The following MAML2 variants were observed in gnomAD, a reference collection of about 807,000 sequenced individuals.
MAML2 encodes the protein mastermind-like protein 2.
Under a neutral mutation model 96.1 loss-of-function variants are expected in MAML2, and 22 were observed. The ratio of observed to expected loss-of-function variants is 0.23; its 90% CI spans 0.16 to 0.33. The LOEUF is 0.33. Ranked by LOEUF, MAML2 falls within the 10% of genes least tolerant of loss-of-function variation. The probability of loss-of-function intolerance (pLI) is 1.00; values close to 1 mark genes in which losing one functional copy is unlikely to be tolerated. For synonymous variants in MAML2, 561 were observed against 521.3 expected (o/e 1.08, Z -1.04); for missense variants, 1,367 against 1,392.4 (o/e 0.98, Z 0.29).
chr11:96,192,605 C>G (rs1565243771), intron 1 of MAML2, among the ~76,000 whole-genome samples: 1 of 152,190 alleles, frequency 6.6e-6, no homozygotes, highest in African/African-American at 2.4e-5. Context: ...CTAGCACAGT[C>G]AAACTGTTTG....
At chr11:96,098,659 A>T (rs1279585391) in intron 1 of MAML2, among the ~76,000 whole-genome samples, 5 of 152,146 alleles carry the variant, frequency 3.3e-5, no homozygotes, top group Admixed American at 2.6e-4. Context: ...TCATTCTTCC[A>T]TTTGGACACC....
intron 1 of MAML2, among the ~76,000 whole-genome samples, chr11:96,186,811 T>C (rs368711111): frequency 3.3e-5 from 5 of 152,178 alleles, no homozygotes; most frequent in Non-Finnish European, 5.9e-5. Flanking sequence ...TTGAACCCAA[T>C]AGCCCCTGGC....
At chr11:95,989,801 C>T (rs961440946) in intron 3 of MAML2, among the ~76,000 whole-genome samples, 8 of 152,212 alleles carry the variant, frequency 5.3e-5, no homozygotes, top group Non-Finnish European at 2.9e-5. Context: ...CTCAATATTC[C>T]TTATTCCAGG....
intron 1 of MAML2, among the ~76,000 whole-genome samples, chr11:96,114,387 A>G (rs1413346568): frequency 1.3e-5 from 2 of 152,056 alleles, no homozygotes; most frequent in Non-Finnish European, 1.5e-5. Flanking sequence ...TTTGATCCTA[A>G]TCTCCTTAGC....
Position 96,182,814 on chromosome 11 carries a change from G to A in MAML2, c.514-89297C>T, listed in dbSNP as rs919610892. Among the ~76,000 whole-genome samples the A allele has an allele frequency of 8.5e-5, 13 of 152,198 alleles. 1 individual carries two copies. In the East Asian group the frequency reaches 1.2e-3, roughly 14 times the overall value. ...GCTCCTTGTCAAGATGTTTGCTCTC[G>A]CTGGAGAAGGAATGGGATGGAGATC... On this transcript the variant is annotated intron_variant, in intron 1 of 4. Coordinates refer to ENST00000524717, the MANE Select transcript of MAML2 (RefSeq NM_032427.4).
chr11:96,245,947 C>T (rs1271631573), intron 1 of MAML2, among the ~76,000 whole-genome samples: 3 of 151,942 alleles, frequency 2.0e-5, no homozygotes, highest in Non-Finnish European at 2.9e-5. Flanking sequence ...TCGTGATCTG[C>T]CCCCCTCGAC....
intron 1 of MAML2, among the ~76,000 whole-genome samples, chr11:96,223,047 AAAT>A (rs1312649607): frequency 6.6e-6 from 1 of 152,162 alleles, no homozygotes; most frequent in African/African-American, 2.4e-5. Context: ...TTTTTGATGA[AAAT>A]AAATTCAAAT....
intron 1 of MAML2, among the ~76,000 whole-genome samples, chr11:96,202,350 C>CTAA (rs1555023767): frequency 9.3e-6 from 1 of 107,542 alleles, no homozygotes; most frequent in African/African-American, 3.7e-5. Context: ...GACTCCATCT[C>CTAA]AAAAAAAAAA....
intron 1 of MAML2, among the ~76,000 whole-genome samples, chr11:96,100,828 C>T (rs1378767449): frequency 6.6e-6 from 1 of 151,368 alleles, no homozygotes; most frequent in African/African-American, 2.4e-5. Flanking sequence ...TCACTGCAGC[C>T]TCAACCTCCC....
At chr11:96,073,947 C>G (rs150791109) in intron 2 of MAML2, among the ~76,000 whole-genome samples, 1 of 152,228 alleles carries the variant, frequency 6.6e-6, no homozygotes, top group African/African-American at 2.4e-5. Context: ...AAGATTCATG[C>G]AAGGGATTTA....
At chr11:96,309,915 C>T (rs949334575) in intron 1 of MAML2, among the ~76,000 whole-genome samples, 1 of 151,896 alleles carries the variant, frequency 6.6e-6, no homozygotes, top group Non-Finnish European at 1.5e-5. Context: ...GTTGACTAGG[C>T]CGGTCTTAAA....
chr11:96,315,947 C>G (rs1863626249), intron 1 of MAML2, among the ~76,000 whole-genome samples: 1 of 152,228 alleles, frequency 6.6e-6, no homozygotes, highest in Admixed American at 6.5e-5. Context: ...CACCAGTCAA[C>G]TGGGATATAC....
chr11:96,107,584 T>G (rs993538776), intron 1 of MAML2, among the ~76,000 whole-genome samples: 1 of 152,172 alleles, frequency 6.6e-6, no homozygotes, highest in African/African-American at 2.4e-5. Flanking sequence ...GCTAATGAGA[T>G]GACTGATGGC....
At chr11:96,248,113 CTT>C (rs35775102) in intron 1 of MAML2, among the ~76,000 whole-genome samples, 9 of 132,170 alleles carry the variant, frequency 6.8e-5, no homozygotes, top group Non-Finnish European at 6.4e-5. Flanking sequence ...TGTTTTTTTA[CTT>C]TTTTTTTTTT....
chr11:96,297,568 C>A (rs897719690), intron 1 of MAML2, among the ~76,000 whole-genome samples: 1 of 152,008 alleles, frequency 6.6e-6, no homozygotes, highest in African/African-American at 2.4e-5. Context: ...GGCAACAGAA[C>A]GAGACTCCAT....
At chr11:96,154,809 G>A (rs1860984346) in intron 1 of MAML2, among the ~76,000 whole-genome samples, 1 of 152,190 alleles carries the variant, frequency 6.6e-6, no homozygotes, top group African/African-American at 2.4e-5. Context: ...TGGAGGAGCA[G>A]AAAGGGCACC....
intron 1 of MAML2, among the ~76,000 whole-genome samples, chr11:96,163,378 T>C (rs1345504014): frequency 6.6e-6 from 1 of 152,222 alleles, no homozygotes; most frequent in Non-Finnish European, 1.5e-5. Context: ...ACAGTGGCTA[T>C]TTCCTGGGAG....
At chr11:96,069,748 G>A (rs1859310392) in intron 2 of MAML2, among the ~76,000 whole-genome samples, 2 of 152,044 alleles carry the variant, frequency 1.3e-5, no homozygotes, top group African/African-American at 4.8e-5. Context: ...TTACAGGCAG[G>A]GCGCAGTGGC....
At chr11:96,217,469 G>A (rs1003807907) in intron 1 of MAML2, among the ~76,000 whole-genome samples, 1 of 152,176 alleles carries the variant, frequency 6.6e-6, no homozygotes. Flanking sequence ...TAGATTCCAT[G>A]CTTCAATCCA....
Sources: allele counts gnomAD v4.1 joint callset (sites outside exome capture counted in the v4.1 genomes callset), GRCh38; gene constraint gnomAD v4.1.1; transcripts MANE v1.5; gene names NCBI Gene and HGNC (gene_info 2026-07-23, HGNC 2026-07-21).